The following CAB39L variants were observed in gnomAD, a reference collection of about 807,000 sequenced individuals.
The protein encoded by CAB39L is calcium binding protein 39 like.
In CAB39L, 23 loss-of-function variants were observed where a neutral mutation model predicts 39.1. That is an observed-to-expected ratio of 0.59 (90% CI 0.42 to 0.83). CAB39L has a LOEUF of 0.83. Ranked by LOEUF, CAB39L falls within the 40% of genes least tolerant of loss-of-function variation. The pLI, the probability that CAB39L is intolerant of heterozygous loss-of-function variation, is 0.00. For missense variants in CAB39L, 366 were observed against 391.9 expected (o/e 0.93, Z 0.56); for synonymous variants, 126 against 137.2 (o/e 0.92, Z 0.57).
intron 10 of CAB39L, among the ~76,000 whole-genome samples, chr13:49,315,022 A>AG (rs1280674030): frequency 3.3e-5 from 5 of 152,220 alleles, no homozygotes; most frequent in Non-Finnish European, 7.3e-5. Flanking sequence ...AGAACTGATG[A>AG]GATGTGACAT....
chr13:49,356,193 C>A (rs1048247943), intron 6 of CAB39L, among the ~76,000 whole-genome samples: 51 of 152,146 alleles, frequency 3.4e-4, no homozygotes, highest in African/African-American at 1.2e-3. Context: ...AAAAGTACAT[C>A]TCCTAATGTG....
rs575823855 is a variant in CAB39L, at chr13:49,364,983, G to A, written c.277-5151C>T. Among the ~76,000 whole-genome samples, 57 of 152,114 alleles carry A rather than the reference G, an allele frequency of 3.7e-4. No individual in the cohort carries two copies. The South Asian group carries it at 0.012, about 32-fold the overall frequency. ...ATGGAACCACAAAAAACCCAGAATA[G>A]CCAAAACCATCATGAGCAAAAAGAA... is the stretch of plus-strand genomic sequence containing the variant. On this transcript the variant is annotated intron_variant, in intron 5 of 10. Coordinates refer to ENST00000409308, the MANE Select transcript of CAB39L (RefSeq NM_001079670.3).
At chr13:49,443,071 C>T (rs908654978) in intron 1 of CAB39L, among the ~76,000 whole-genome samples, 1 of 139,042 alleles carries the variant, frequency 7.2e-6, no homozygotes, top group Non-Finnish European at 1.5e-5. Context: ...GCAATGCCAT[C>T]CACAACAATG....
In CAB39L at chr13:49,379,527, T is replaced by C. The variant is rs1299442421; in HGVS notation, c.112-2396A>G. Among the ~76,000 whole-genome samples, 143 of 47,050 alleles carry C rather than the reference T, an allele frequency of 3.0e-3. 36 individuals are homozygous for C. The highest frequency in any genetic ancestry group is 4.6e-3 in the Non-Finnish European group (113 of 24,826). The allele number at this position is 47,050 out of a possible 152,430, so 30.9% of individuals were successfully genotyped here. ...CTCGTTAAGAGTCATCACCAATCCC[T>C]AATCTCAAGTAATCAGGGACACAAA... On this transcript the variant is annotated intron_variant, in intron 4 of 10. Transcript: ENST00000409308.
chr13:49,435,662 A>G (rs7330512), intron 1 of CAB39L, among the ~76,000 whole-genome samples: 120,207 of 152,116 alleles, frequency 0.79, 48,293 homozygotes, highest in African/African-American at 0.93. Context: ...CATTACACCC[A>G]GCTAATTTTT....
chr13:49,365,834 A>G (rs1474839214), intron 5 of CAB39L, among the ~76,000 whole-genome samples: 3 of 152,228 alleles, frequency 2.0e-5, no homozygotes, highest in Non-Finnish European at 4.4e-5. Context: ...TATCAAAGAG[A>G]TATCTACACT....
intron 9 of CAB39L, among the ~76,000 whole-genome samples, chr13:49,338,065 T>C (rs1954898696): frequency 6.6e-6 from 1 of 152,240 alleles, no homozygotes. Flanking sequence ...TTATTTTCAT[T>C]TCCAGCTAGC....
chr13:49,413,274 T>C (rs1339698858), intron 3 of CAB39L, among the ~76,000 whole-genome samples: 1 of 152,010 alleles, frequency 6.6e-6, no homozygotes, highest in Non-Finnish European at 1.5e-5. Flanking sequence ...ATTACCTAAG[T>C]GAGGAAAGAA....
intron 6 of CAB39L, among the ~76,000 whole-genome samples, chr13:49,353,342 T>A (rs1374945191): frequency 6.6e-6 from 1 of 152,180 alleles, no homozygotes; most frequent in East Asian, 1.9e-4. Flanking sequence ...ATTGATAGAG[T>A]ACTCAAGAGA....
intron 8 of CAB39L, among the ~76,000 whole-genome samples, chr13:49,341,396 G>A (rs1955000308): frequency 6.6e-6 from 1 of 152,020 alleles, no homozygotes; most frequent in Admixed American, 6.6e-5. Flanking sequence ...GGGATTACAG[G>A]CACCCGCCAC....
intron 10 of CAB39L, among the ~76,000 whole-genome samples, chr13:49,325,430 T>G (rs1218784802): frequency 6.6e-6 from 1 of 152,228 alleles, no homozygotes; most frequent in Non-Finnish European, 1.5e-5. Flanking sequence ...TTGGTCTCAA[T>G]TGCTTTCTCC....
intron 1 of CAB39L, among the ~76,000 whole-genome samples, chr13:49,439,741 A>C (rs1957474062): frequency 6.6e-6 from 1 of 152,032 alleles, no homozygotes; most frequent in Non-Finnish European, 1.5e-5. Flanking sequence ...CCTTGCCCAC[A>C]TCTGTTGTTT....
At chr13:49,351,262 T>TTGTG (rs3035410) in intron 6 of CAB39L, 8,595 of 149,212 alleles carry the variant, frequency 0.058, 283 homozygotes, top group African/African-American at 0.086. Context: ...GGTGACTAAA[T>TTGTG]TGTGTGTGTG....
chr13:49,388,486 C>T (rs762707368), intron 3 of CAB39L, among the ~76,000 whole-genome samples: 1 of 152,150 alleles, frequency 6.6e-6, no homozygotes, highest in South Asian at 2.1e-4. Flanking sequence ...GCCCCAAGGC[C>T]ATGGAGAAAA....
At chr13:49,325,345 C>G (rs1364602767) in intron 10 of CAB39L, among the ~76,000 whole-genome samples, 3 of 152,236 alleles carry the variant, frequency 2.0e-5, no homozygotes, top group Non-Finnish European at 4.4e-5. Flanking sequence ...AGTTGGTATA[C>G]TTTTCAATAT....
At chr13:49,425,672 A>G (rs928887535) in intron 3 of CAB39L, among the ~76,000 whole-genome samples, 3 of 152,214 alleles carry the variant, frequency 2.0e-5, no homozygotes, top group African/African-American at 7.2e-5. Context: ...ACTGACCCAC[A>G]CAATTTTTAG....
At chr13:49,394,904 G>GA (rs1566114529) in intron 3 of CAB39L, among the ~76,000 whole-genome samples, 1 of 151,982 alleles carries the variant, frequency 6.6e-6, no homozygotes, top group Admixed American at 6.6e-5. Flanking sequence ...AAATAGAATG[G>GA]AAATGTTAAT....
intron 10 of CAB39L, among the ~76,000 whole-genome samples, chr13:49,321,558 T>C (rs1011181713): frequency 9.2e-5 from 14 of 152,198 alleles, no homozygotes; most frequent in Non-Finnish European, 1.3e-4. Flanking sequence ...AGCGTGCGCC[T>C]TCCGGGCTGT....
At chr13:49,345,103 G>C (rs1357262108) in intron 7 of CAB39L, among the ~76,000 whole-genome samples, 1 of 152,024 alleles carries the variant, frequency 6.6e-6, no homozygotes, top group Admixed American at 6.6e-5. Flanking sequence ...ATGCTTAGAG[G>C]CTAAATGCCC....
Sources: gnomAD v4.1 joint callset for allele counts (sites outside exome capture counted in the v4.1 genomes callset) on GRCh38, gnomAD v4.1.1 for gene constraint, MANE v1.5 for transcripts, NCBI Gene and HGNC (gene_info 2026-07-23, HGNC 2026-07-21) for gene names.